Variants in ATG7 observed in about 807,000 individuals in gnomAD.
ATG7 encodes the protein autophagy related 7.
Under a neutral mutation model 82.4 loss-of-function variants are expected in ATG7, and 70 were observed. That is an observed-to-expected ratio of 0.85 (90% CI 0.70 to 1.04). The LOEUF is 1.04. Ranked by LOEUF, ATG7 falls within the 50% of genes least tolerant of loss-of-function variation. The probability of loss-of-function intolerance (pLI) is 0.00; values close to 1 mark genes in which losing one functional copy is unlikely to be tolerated. For synonymous variants in ATG7, 287 were observed against 313.0 expected, an observed-to-expected ratio of 0.92 and a Z score of 0.88; for missense variants, 792 against 864.3, an observed-to-expected ratio of 0.92 and a Z score of 1.05.
chr3:11,568,810 T>G, the ATG7 span: 2 of 1,431,274 alleles, frequency 1.4e-6, no homozygotes, highest in Non-Finnish European at 1.8e-6. This position sits in a 1 kb window ranked among gnomAD's most constrained non-coding sequence, Gnocchi z 5.9. Context: ...GCCCACGGCA[T>G]CCCCGCGAAC....
intron 18 of ATG7, among the ~76,000 whole-genome samples, chr3:11,373,980 TTTA>T (rs2077212691): frequency 6.6e-6 from 1 of 152,244 alleles, no homozygotes; most frequent in Admixed American, 6.5e-5. Context: ...CATTTCATAA[TTTA>T]TTGTCTTACG....
At chr3:11,276,269 TTTA>T (rs1316086813) in intron 1 of ATG7, among the ~76,000 whole-genome samples, 1 of 152,208 alleles carries the variant, frequency 6.6e-6, no homozygotes, top group Non-Finnish European at 1.5e-5. Context: ...CCTTTTGCCT[TTTA>T]TTCTAATTCT....
chr3:11,530,778 C>T (rs544393904), intron 20 of ATG7, among the ~76,000 whole-genome samples: 2 of 152,196 alleles, frequency 1.3e-5, no homozygotes, highest in South Asian at 2.1e-4. Context: ...GTCAGGAGTT[C>T]GAGACCAGCC....
rs756638311 is a variant in ATG7 at position 11,326,374 on chromosome 3, C to T, written c.679-4966C>T. Reference sequence around the variant, plus strand: ...AGTGCAGTGGCCCGATCTTGGCTCACTGCAACCTCCACCTCCCGGGTTCAC... The same window carrying T: ...AGTGCAGTGGCCCGATCTTGGCTCATTGCAACCTCCACCTCCCGGGTTCAC... On this transcript the variant is annotated intron_variant, in intron 9 of 20. Coordinates refer to ENST00000693202, the MANE Select transcript of ATG7 (RefSeq NM_001349232.2). Among the ~76,000 whole-genome samples, 48 of 152,204 alleles carry T rather than the reference C, an allele frequency of 3.2e-4. 1 individual carries two copies. The Middle Eastern group carries it at 0.014, about 43-fold the overall frequency.
At chr3:11,568,970 G>C in the ATG7 span, 1 of 1,166,228 alleles carries the variant, frequency 8.6e-7, no homozygotes, top group South Asian at 2.1e-5. This position sits in a 1 kb window ranked among gnomAD's most constrained non-coding sequence, Gnocchi z 5.9. Context: ...AGAGGAGGGA[G>C]GGAAAGAGAG....
intron 19 of ATG7, among the ~76,000 whole-genome samples, chr3:11,425,496 T>C (rs960657667): frequency 5.9e-5 from 9 of 152,260 alleles, no homozygotes; most frequent in Admixed American, 2.6e-4. Flanking sequence ...CATTCATCTC[T>C]TTATTTCTTG....
intron 12 of ATG7, 30 bp downstream of exon 12, chr3:11,340,765 G>A (rs142279217): frequency 1.1e-4 from 170 of 1,595,704 alleles, no homozygotes; most frequent in Non-Finnish European, 1.4e-4. Context: ...TTCTCCAGTC[G>A]GGCTTTTTGT....
intron 20 of ATG7, among the ~76,000 whole-genome samples, chr3:11,551,719 T>A (rs59587667): frequency 6.7e-6 from 1 of 148,716 alleles, no homozygotes; most frequent in African/African-American, 2.5e-5. Context: ...CACGAGCCGC[T>A]GTGCCCAGCC....
At chr3:11,395,888 G>T (rs1400552070) in intron 19 of ATG7, among the ~76,000 whole-genome samples, 1 of 143,706 alleles carries the variant, frequency 7.0e-6, no homozygotes, top group Non-Finnish European at 1.5e-5. Flanking sequence ...CGCAGTGAGC[G>T]GAGGTCACAC....
chr3:11,443,618 C>T (rs939635362), intron 20 of ATG7, among the ~76,000 whole-genome samples: 12 of 152,136 alleles, frequency 7.9e-5, no homozygotes, highest in Non-Finnish European at 1.3e-4. Context: ...AACTCCTGGG[C>T]TCAAATGATC....
intron 20 of ATG7, among the ~76,000 whole-genome samples, chr3:11,481,899 G>A (rs929042180): frequency 6.6e-6 from 1 of 152,210 alleles, no homozygotes; most frequent in African/African-American, 2.4e-5. Context: ...GAGTTGTCAG[G>A]CCCAAACACG....
At chr3:11,506,444 T>C (rs1287240613) in intron 20 of ATG7, among the ~76,000 whole-genome samples, 4 of 151,594 alleles carry the variant, frequency 2.6e-5, no homozygotes, top group African/African-American at 9.7e-5. Context: ...TTGGGTGTGG[T>C]CATCCTATGT....
At chr3:11,422,246 C>T (rs1205250789) in intron 19 of ATG7, among the ~76,000 whole-genome samples, 1 of 152,210 alleles carries the variant, frequency 6.6e-6, no homozygotes, top group Non-Finnish European at 1.5e-5. Context: ...GCATCTTCTT[C>T]CACTAGAAGA....
intron 20 of ATG7, among the ~76,000 whole-genome samples, chr3:11,517,636 C>T (rs551035758): frequency 5.9e-5 from 9 of 152,134 alleles, no homozygotes; most frequent in East Asian, 5.8e-4. Context: ...TAGAGGTTTT[C>T]GAGAGGAAGA....
intron 13 of ATG7, among the ~76,000 whole-genome samples, chr3:11,342,739 A>C (rs1285460916): frequency 6.6e-6 from 1 of 151,844 alleles, no homozygotes; most frequent in East Asian, 1.9e-4. Flanking sequence ...TATGTTCTTT[A>C]TTTAATCAAT....
intron 20 of ATG7, among the ~76,000 whole-genome samples, chr3:11,523,056 T>C (rs2092482823): frequency 6.6e-6 from 1 of 152,192 alleles, no homozygotes; most frequent in Admixed American, 6.5e-5. Context: ...TAAAGTATGT[T>C]GTAAATGTTG....
intron 20 of ATG7, among the ~76,000 whole-genome samples, chr3:11,539,630 T>C (rs1412036292): frequency 1.3e-5 from 2 of 152,250 alleles, no homozygotes; most frequent in Non-Finnish European, 2.9e-5. Flanking sequence ...GTATTTCTCT[T>C]ATGACATTTT....
rs537426075 is a variant in ATG7 at position 11,308,915 on chromosome 3, A to G, written c.334-69A>G. On this transcript the variant is annotated intron_variant, in intron 6 of 20. Coordinates refer to ENST00000693202, the MANE Select transcript of ATG7 (RefSeq NM_001349232.2). Reference sequence around the variant, plus strand: ...AGAGCCTGGTGCTTTTCAGCTCCACACTTCACCTGAGAGTGAGAAACTCAG... The same window carrying G: ...AGAGCCTGGTGCTTTTCAGCTCCACGCTTCACCTGAGAGTGAGAAACTCAG... The G allele has an allele frequency of 1.4e-5, 20 of 1,418,236 alleles. No individual in the cohort carries two copies. The East Asian group carries it at 3.2e-4, about 23-fold the overall frequency. The allele number at this position is 1,418,236 out of a possible 1,614,324, so 87.9% of individuals were successfully genotyped here.
chr3:11,509,168 A>G (rs1237484463), intron 20 of ATG7, among the ~76,000 whole-genome samples: 2 of 152,234 alleles, frequency 1.3e-5, no homozygotes, highest in Non-Finnish European at 2.9e-5. Context: ...TTAAATAAAT[A>G]AGCAATTATG....
Sources: gnomAD v4.1 joint callset for allele counts (sites outside exome capture counted in the v4.1 genomes callset) on GRCh38, gnomAD v4.1.1 for gene constraint, Gnocchi (gnomAD v3.1) non-coding constraint, MANE v1.5 for transcripts, NCBI Gene and HGNC (gene_info 2026-07-23, HGNC 2026-07-21) for gene names.